Variants in EPHB1 observed in about 807,000 individuals in gnomAD.
EPHB1 encodes EPH receptor B1.
EPHB1 carries 30 observed loss-of-function variants against 94.4 expected under a neutral mutation model. That is an observed-to-expected ratio of 0.32 (90% CI 0.24 to 0.43). The LOEUF (loss-of-function observed/expected upper bound fraction) is 0.43, where lower values mean the gene tolerates loss of function less well. EPHB1 is among the 20% of genes least tolerant of loss of function. EPHB1 has a pLI of 1.00. For missense variants in EPHB1, 1,055 were observed against 1,308.3 expected, an observed-to-expected ratio of 0.81 and a Z score of 2.99; for synonymous variants, 522 against 489.1, an observed-to-expected ratio of 1.07 and a Z score of -0.89.
chr3:134,926,012 G>A, intron 2 of EPHB1, 132 bp downstream of exon 2: 1 of 719,850 alleles, frequency 1.4e-6, no homozygotes. Flanking sequence ...TGTGTCCACT[G>A]CCCATCCATG....
At chr3:134,908,844 T>A (rs999331181) in intron 1 of EPHB1, among the ~76,000 whole-genome samples, 7 of 152,010 alleles carry the variant, frequency 4.6e-5, no homozygotes, top group African/African-American at 1.7e-4. Flanking sequence ...GTCCTGCACA[T>A]GGATTCTGCA....
chr3:134,799,565 A>G (rs926797761), intron 1 of EPHB1, among the ~76,000 whole-genome samples: 22 of 152,230 alleles, frequency 1.4e-4, no homozygotes, highest in African/African-American at 4.8e-4. Context: ...AAGTCTTGGC[A>G]ATGTAAACAA....
At chr3:134,966,769 TC>T (rs1933764028) in intron 3 of EPHB1, among the ~76,000 whole-genome samples, 1 of 152,258 alleles carries the variant, frequency 6.6e-6, no homozygotes, top group South Asian at 2.1e-4. Context: ...CCTAGTGATT[TC>T]TTTTCCCATC....
intron 1 of EPHB1, among the ~76,000 whole-genome samples, chr3:134,850,217 G>C (rs1332603655): frequency 6.6e-6 from 1 of 152,104 alleles, no homozygotes; most frequent in Non-Finnish European, 1.5e-5. Context: ...TCTTTTCCTT[G>C]ATCATAAAAT....
intron 3 of EPHB1, among the ~76,000 whole-genome samples, chr3:135,035,551 T>C (rs1395088064): frequency 1.3e-5 from 2 of 152,184 alleles, no homozygotes; most frequent in African/African-American, 4.8e-5. Flanking sequence ...CCTGGGTAAT[T>C]AGAGGAGGAG....
chr3:135,076,939 A>C (rs1393690984), intron 3 of EPHB1, among the ~76,000 whole-genome samples: 1 of 152,172 alleles, frequency 6.6e-6, no homozygotes, highest in East Asian at 1.9e-4. Context: ...GGGTAGGAGC[A>C]GTTATGGGGC....
chr3:134,919,873 C>T (rs940140827), intron 1 of EPHB1, among the ~76,000 whole-genome samples: 6 of 148,598 alleles, frequency 4.0e-5, no homozygotes, highest in South Asian at 2.1e-4. Context: ...TGTATGCATG[C>T]GCCTGTGTGT....
intron 12 of EPHB1, among the ~76,000 whole-genome samples, chr3:135,238,296 C>CTG (rs1192627037): frequency 6.6e-6 from 1 of 152,240 alleles, no homozygotes; most frequent in African/African-American, 2.4e-5. Context: ...GACAAGCTGT[C>CTG]ACCTGCCTGT....
intron 12 of EPHB1, 112 bp downstream of exon 12, chr3:135,201,801 C>T: frequency 2.9e-6 from 3 of 1,043,866 alleles, no homozygotes; most frequent in Non-Finnish European, 4.2e-6. Context: ...CTGAACTGAG[C>T]TCTCCACTGA....
intron 1 of EPHB1, among the ~76,000 whole-genome samples, chr3:134,815,182 G>A (rs996698272): frequency 2.0e-5 from 3 of 152,160 alleles, no homozygotes; most frequent in African/African-American, 7.2e-5. Context: ...CCAAAATTCA[G>A]GGAGTGGGTC....
At chr3:135,208,144 G>A (rs954798686) in intron 12 of EPHB1, among the ~76,000 whole-genome samples, 9 of 152,302 alleles carry the variant, frequency 5.9e-5, no homozygotes, top group Middle Eastern at 6.8e-3. Flanking sequence ...AAGATGGAGT[G>A]GAACTGAGAA....
chr3:135,154,707 G>A (rs1208315848), intron 6 of EPHB1, among the ~76,000 whole-genome samples: 1 of 152,146 alleles, frequency 6.6e-6, no homozygotes, highest in Non-Finnish European at 1.5e-5. Flanking sequence ...ATGTACTACT[G>A]CACTAATATA....
chr3:135,245,996 C>T (rs554884105), intron 13 of EPHB1, among the ~76,000 whole-genome samples: 19 of 152,208 alleles, frequency 1.2e-4, no homozygotes, highest in East Asian at 5.8e-4. Flanking sequence ...CATGGAGCTG[C>T]GCTCTCTCAG....
chr3:135,215,433 G>T (rs1448035421), intron 12 of EPHB1, among the ~76,000 whole-genome samples: 2 of 152,176 alleles, frequency 1.3e-5, no homozygotes, highest in Non-Finnish European at 2.9e-5. Flanking sequence ...AAGCTGCTGG[G>T]ATTACAGGCA....
At chr3:134,922,119 C>A (rs556472395) in intron 1 of EPHB1, among the ~76,000 whole-genome samples, 2 of 152,340 alleles carry the variant, frequency 1.3e-5, no homozygotes, top group Non-Finnish European at 2.9e-5. Flanking sequence ...CAGCACCACA[C>A]GCACTTCCAG....
chr3:134,861,375 T>C (rs2037254892), intron 1 of EPHB1, among the ~76,000 whole-genome samples: 2 of 152,148 alleles, frequency 1.3e-5, no homozygotes, highest in Admixed American at 1.3e-4. Flanking sequence ...CAGGCCTGTT[T>C]CCTGGCACAG....
chr3:135,132,318 C>G (rs902586818), intron 4 of EPHB1, among the ~76,000 whole-genome samples: 6 of 134,328 alleles, frequency 4.5e-5, no homozygotes, highest in Admixed American at 4.2e-4. Context: ...TCCTTCTACC[C>G]TTGAGTTCTA....
intron 12 of EPHB1, among the ~76,000 whole-genome samples, chr3:135,210,541 T>C (rs1382395812): frequency 6.6e-6 from 1 of 152,168 alleles, no homozygotes; most frequent in African/African-American, 2.4e-5. Flanking sequence ...CAGATGTACA[T>C]AAGATAGGAA....
At chr3:134,940,391 A>G (rs1230851657) in intron 2 of EPHB1, among the ~76,000 whole-genome samples, 4 of 152,230 alleles carry the variant, frequency 2.6e-5, no homozygotes, top group African/African-American at 9.6e-5. Flanking sequence ...TTTGCGAGTG[A>G]GGAAACTGAA....
Sources: gnomAD v4.1 joint callset for allele counts (sites outside exome capture counted in the v4.1 genomes callset) on GRCh38, gnomAD v4.1.1 for gene constraint, MANE v1.5 for transcripts, NCBI Gene and HGNC (gene_info 2026-07-23, HGNC 2026-07-21) for gene names.